DEPDC5: variants seen among roughly 807,000 people sequenced by gnomAD.
DEPDC5 encodes DEP domain containing 5, GATOR1 subcomplex subunit.
A neutral mutation model predicts 217.3 loss-of-function variants in DEPDC5; 73 were observed. The ratio of observed to expected loss-of-function variants is 0.34; its 90% CI spans 0.28 to 0.41. The LOEUF (loss-of-function observed/expected upper bound fraction) is 0.41, where lower values mean the gene tolerates loss of function less well. Ranked by LOEUF, DEPDC5 falls within the 10% of genes least tolerant of loss-of-function variation. The probability of loss-of-function intolerance (pLI) is 1.00; values close to 1 mark genes in which losing one functional copy is unlikely to be tolerated. For missense variants in DEPDC5, 1,675 were observed against 2,070.1 expected (o/e 0.81, Z 3.70); for synonymous variants, 733 against 756.7 (o/e 0.97, Z 0.51).
At chr22:31,817,057 A>C (rs1396202428) in intron 21 of DEPDC5, 2 of 157,016 alleles carry the variant, frequency 1.3e-5, no homozygotes, top group African/African-American at 4.8e-5. Flanking sequence ...CCATCATTGT[A>C]ATGTGGAAAT....
chr22:31,896,893 C>T (rs1263411680), intron 39 of DEPDC5, among the ~76,000 whole-genome samples: 1 of 152,148 alleles, frequency 6.6e-6, no homozygotes, highest in Non-Finnish European at 1.5e-5. Context: ...CTGAGGCCAG[C>T]GGATCACCTG....
chr22:31,822,667 A>G, intron 23 of DEPDC5, 26 bp from the exon 24 acceptor site: 1 of 1,611,850 alleles, frequency 6.2e-7, no homozygotes. Flanking sequence ...ACATTAAGCC[A>G]GGTGGCTGGG....
chr22:31,843,568 T>A, intron 28 of DEPDC5, 77 bp from the exon 29 acceptor site: 1 of 1,519,542 alleles, frequency 6.6e-7, no homozygotes, highest in Non-Finnish European at 9.0e-7. Flanking sequence ...TCTAAGTGTA[T>A]AGAGATAGAA....
chr22:31,841,174 T>G (rs966432141), intron 27 of DEPDC5, among the ~76,000 whole-genome samples: 1 of 152,216 alleles, frequency 6.6e-6, no homozygotes, highest in Non-Finnish European at 1.5e-5. Context: ...AGCTGGCAAG[T>G]GAAAGTGCTG....
chr22:31,902,413 TA>T (rs1454707549), intron 41 of DEPDC5, among the ~76,000 whole-genome samples: 4 of 112,090 alleles, frequency 3.6e-5, no homozygotes, highest in African/African-American at 2.2e-4. Context: ...CCTTATTATA[TA>T]TATATATATA....
intron 6 of DEPDC5, 85 bp downstream of exon 6, chr22:31,766,753 C>A: frequency 2.3e-6 from 3 of 1,290,378 alleles, no homozygotes; most frequent in South Asian, 2.6e-5. Flanking sequence ...AATATAAAAT[C>A]GTTTCTGATT....
chr22:31,847,969 C>G, intron 31 of DEPDC5, among the ~76,000 whole-genome samples: 1 of 152,194 alleles, frequency 6.6e-6, no homozygotes, highest in East Asian at 1.9e-4. Context: ...AGTAAATACA[C>G]CCATTCCAAA....
At chr22:31,884,542 C>T (rs574787428) in intron 38 of DEPDC5, among the ~76,000 whole-genome samples, 33 of 152,282 alleles carry the variant, frequency 2.2e-4, no homozygotes, top group Non-Finnish European at 3.4e-4. Context: ...TTGCTTGGCT[C>T]TCCTTCTTCA....
At chr22:31,801,404 C>T (rs2086853544) in intron 14 of DEPDC5, among the ~76,000 whole-genome samples, 1 of 152,154 alleles carries the variant, frequency 6.6e-6, no homozygotes, top group African/African-American at 2.4e-5. Context: ...TCCTGCTCCC[C>T]AGTGTGAGTC....
intron 39 of DEPDC5, 27 bp from the exon 40 acceptor site, chr22:31,897,455 A>C (rs1569232248): frequency 6.3e-7 from 1 of 1,579,806 alleles, no homozygotes; most frequent in Non-Finnish European, 8.6e-7. Context: ...TGGAGATGAT[A>C]TTGTTTGTTT....
chr22:31,838,838 T>C lies in DEPDC5; in HGVS notation c.2508T>C (p.Tyr836=), dbSNP rs28366836. The C allele has an allele frequency of 1.2e-6, 2 of 1,612,512 alleles. No individual in the cohort carries two copies. Among genetic ancestry groups the C allele is most frequent in the East Asian group, 2.2e-5 (1 of 44,846 alleles). ...VPPPLSSSPL[Y]SRGLVSRNRP... Reference sequence around the variant, plus strand: ...CCCCGCTGAGCAGTAGCCCACTCTATAGCCGAGGTGAGTTTTTCTCCTTGG... The same window carrying C: ...CCCCGCTGAGCAGTAGCCCACTCTACAGCCGAGGTGAGTTTTTCTCCTTGG... Residue 836 remains tyrosine, a synonymous_variant, in exon 27 of 43, where the codon TAT becomes TAC. Coordinates refer to ENST00000651528, the MANE Select transcript of DEPDC5 (RefSeq NM_001242896.3).
At position 31,876,152 on chromosome 22, in the gene DEPDC5, C is replaced by T; in HGVS notation, c.3697-5C>T. 1 of 1,613,660 alleles carries T rather than the reference C, an allele frequency of 6.2e-7. No individual in the cohort carries two copies. Among genetic ancestry groups the T allele is most frequent in the Non-Finnish European group, 8.5e-7 (1 of 1,179,816 alleles). On this transcript the variant is annotated splice_polypyrimidine_tract_variant and splice_region_variant and intron_variant, in intron 36 of 42. Coordinates refer to ENST00000651528, the MANE Select transcript of DEPDC5 (RefSeq NM_001242896.3). Reference sequence around the variant, plus strand: ...GGAATTTCAGAGTTTCAATGTCTCTCCTAGAAAATGCTGGAAGAGCAGCTC... The same window carrying T: ...GGAATTTCAGAGTTTCAATGTCTCTTCTAGAAAATGCTGGAAGAGCAGCTC...
At chr22:31,845,321 A>C (rs1001503775) in intron 30 of DEPDC5, 84 bp downstream of exon 30, 1 of 1,498,012 alleles carries the variant, frequency 6.7e-7, no homozygotes. Flanking sequence ...TCTCATCATC[A>C]GCCTACTTAT....
intron 26 of DEPDC5, among the ~76,000 whole-genome samples, chr22:31,838,365 A>G (rs1303274196): frequency 6.6e-6 from 1 of 152,046 alleles, no homozygotes; most frequent in Non-Finnish European, 1.5e-5. Flanking sequence ...GGCTCACTGC[A>G]ACCTCTGCTG....
At chr22:31,847,338 C>A (rs1255648202) in intron 31 of DEPDC5, among the ~76,000 whole-genome samples, 2 of 149,320 alleles carry the variant, frequency 1.3e-5, no homozygotes, top group Non-Finnish European at 3.0e-5. Flanking sequence ...GCCAACATGG[C>A]AAAACCCCAT....
chr22:31,766,716 A>G, intron 6 of DEPDC5, 48 bp downstream of exon 6: 1 of 1,516,644 alleles, frequency 6.6e-7, no homozygotes, highest in Non-Finnish European at 9.1e-7. Context: ...CCATTATGTG[A>G]ATAATCCCTG....
intron 20 of DEPDC5, 118 bp from the exon 21 acceptor site, chr22:31,814,874 A>T: frequency 9.5e-7 from 1 of 1,055,686 alleles, no homozygotes; most frequent in Non-Finnish European, 1.4e-6. Flanking sequence ...TGTAGATCAC[A>T]CTGGGGATTT....
intron 17 of DEPDC5, among the ~76,000 whole-genome samples, chr22:31,805,339 T>C (rs2087384895): frequency 6.6e-6 from 1 of 152,116 alleles, no homozygotes; most frequent in South Asian, 2.1e-4. Flanking sequence ...ATGACACTAA[T>C]CTTATTCCAC....
At chr22:31,766,057 C>G (rs2082786804) in intron 5 of DEPDC5, among the ~76,000 whole-genome samples, 1 of 152,166 alleles carries the variant, frequency 6.6e-6, no homozygotes, top group Non-Finnish European at 1.5e-5. Flanking sequence ...AATATGTAGC[C>G]TACATGTCAT....
Sources: gnomAD v4.1 joint callset for allele counts (sites outside exome capture counted in the v4.1 genomes callset) on GRCh38, gnomAD v4.1.1 for gene constraint, MANE v1.5 for transcripts, NCBI Gene and HGNC (gene_info 2026-07-23, HGNC 2026-07-21) for gene names.